Variants in GUCY1A1 observed in about 807,000 individuals in gnomAD.
GUCY1A1 encodes guanylate cyclase soluble subunit alpha-1.
Under a neutral mutation model 64.5 loss-of-function variants are expected in GUCY1A1, and 48 were observed. The observed-to-expected ratio is 0.74, with a 90% CI of 0.59 to 0.95. GUCY1A1 has a LOEUF of 0.95. Ranked by LOEUF, GUCY1A1 falls within the 40% of genes least tolerant of loss-of-function variation. The pLI is 0.00. For synonymous variants in GUCY1A1, 308 were observed against 303.4 expected (o/e 1.02, Z -0.16); for missense variants, 804 against 825.3 (o/e 0.97, Z 0.32).
chr4:155,716,628 A>T (rs746665376), intron 7 of GUCY1A1, among the ~76,000 whole-genome samples: 2 of 151,984 alleles, frequency 1.3e-5, no homozygotes, highest in Non-Finnish European at 2.9e-5. Flanking sequence ...TGCTATGAGG[A>T]CCCCAAGGGT....
At chr4:155,700,656 C>T (rs924461082) in intron 3 of GUCY1A1, among the ~76,000 whole-genome samples, 2 of 152,146 alleles carry the variant, frequency 1.3e-5, no homozygotes, top group Admixed American at 6.6e-5. Context: ...GCACTACAAA[C>T]TATTTGCATT....
chr4:155,696,653 C>T, intron 2 of GUCY1A1, 103 bp from the exon 3 acceptor site: 1 of 422,864 alleles, frequency 2.4e-6, no homozygotes, highest in Middle Eastern at 6.2e-4. Context: ...ATTTTTTTAA[C>T]TTGAGAATGA....
intron 2 of GUCY1A1, among the ~76,000 whole-genome samples, chr4:155,684,456 A>G (rs967698563): frequency 1.3e-5 from 2 of 152,186 alleles, no homozygotes; most frequent in Non-Finnish European, 2.9e-5. Context: ...TTATGACAAA[A>G]GTTCATTTCC....
intron 8 of GUCY1A1, among the ~76,000 whole-genome samples, chr4:155,719,992 C>T (rs1285011789): frequency 1.3e-5 from 2 of 152,014 alleles, no homozygotes; most frequent in Non-Finnish European, 2.9e-5. Flanking sequence ...GTCTTAAACA[C>T]GTTGTGTTTT....
intron 9 of GUCY1A1, 45 bp from the exon 10 acceptor site, chr4:155,729,985 G>T: frequency 8.5e-7 from 1 of 1,181,058 alleles, no homozygotes; most frequent in South Asian, 1.3e-5. Flanking sequence ...TTCTTTTTTT[G>T]AGTGGACAAA....
At position 155,697,136 on chromosome 4, in the gene GUCY1A1, C is replaced by T. The variant is rs752685323; in HGVS notation, c.255+14C>T. 1.3e-6 allele frequency: 2 copies of T among 1,594,244 alleles called. No homozygotes were observed. Among genetic ancestry groups the T allele is most frequent in the Non-Finnish European group, 1.7e-6 (2 of 1,166,678 alleles). ...ATTTTCCCAGAGGTGAGTGCGTGCT[C>T]TTTAGATTTTGAAATTGTAATACTT... is the stretch of plus-strand genomic sequence containing the variant. On this transcript the variant is annotated intron_variant, in intron 3 of 9. Coordinates refer to ENST00000506455, the MANE Select transcript of GUCY1A1 (RefSeq NM_001130682.3).
At chr4:155,724,703 G>A (rs553499220) in intron 9 of GUCY1A1, among the ~76,000 whole-genome samples, 3 of 151,920 alleles carry the variant, frequency 2.0e-5, no homozygotes, top group South Asian at 2.1e-4. Context: ...CTTTGTTGCC[G>A]TGCTCAGAGC....
chr4:155,722,179 C>G lies in GUCY1A1; in HGVS notation c.1858C>G (p.Pro620Ala), dbSNP rs1486186130. Reference protein sequence around the residue: ...CSVPRKINVSPTTYRLLKDCP... With the variant: ...CSVPRKINVSATTYRLLKDCP... ...TGTACCACGAAAAATCAATGTCAGC[C>G]CAACAACTTACAGGTAGTAATTATG... Residue 620 changes from proline to alanine, a missense_variant, in exon 9 of 10, where the codon CCA becomes GCA. Pro to Ala is a conservative substitution (Grantham distance 27). Transcript: ENST00000506455. The G allele has an allele frequency of 1.9e-6, 3 of 1,612,104 alleles. No individual in the cohort carries two copies. The African/African-American group carries it at 4.0e-5, about 22-fold the overall frequency.
At chr4:155,672,889 A>T (rs1355033967) in intron 2 of GUCY1A1, among the ~76,000 whole-genome samples, 1 of 152,176 alleles carries the variant, frequency 6.6e-6, no homozygotes, top group East Asian at 1.9e-4. Flanking sequence ...AAATTAATGG[A>T]TTTAAACTCA....
intron 3 of GUCY1A1, among the ~76,000 whole-genome samples, chr4:155,701,509 G>A (rs1451380912): frequency 2.6e-5 from 4 of 152,062 alleles, no homozygotes; most frequent in Non-Finnish European, 5.9e-5. Context: ...TGACTAAAAA[G>A]GTAAAAGAGT....
chr4:155,685,627 T>A (rs6840106), intron 2 of GUCY1A1, among the ~76,000 whole-genome samples: 1 of 120,014 alleles, frequency 8.3e-6, no homozygotes, highest in East Asian at 2.7e-4. Context: ...TTTTTTTTTT[T>A]CTCTTTGCTG....
chr4:155,685,607 T>G (rs1728887311), intron 2 of GUCY1A1, among the ~76,000 whole-genome samples: 1 of 121,256 alleles, frequency 8.2e-6, no homozygotes, highest in East Asian at 2.1e-4. Flanking sequence ...CCTTGTGTTT[T>G]TTTTTTTTTT....
intron 2 of GUCY1A1, among the ~76,000 whole-genome samples, chr4:155,675,369 G>A (rs531549615): frequency 2.6e-5 from 4 of 151,656 alleles, no homozygotes; most frequent in Non-Finnish European, 2.9e-5. Flanking sequence ...AGTTACAAAT[G>A]TAGCATTGAA....
At chr4:155,716,809 A>G (rs1467267166) in intron 7 of GUCY1A1, among the ~76,000 whole-genome samples, 1 of 152,170 alleles carries the variant, frequency 6.6e-6, no homozygotes, top group East Asian at 1.9e-4. Context: ...TCTTTAAACA[A>G]TTTATTATAA....
chr4:155,735,256 T>C lies in GUCY1A1; in HGVS notation c.*5025T>C, dbSNP rs1368971671. 1.3e-5 allele frequency: 2 copies of C among 151,920 alleles called. No individual in the cohort carries two copies. The highest frequency in any genetic ancestry group is 2.9e-5 in the Non-Finnish European group (2 of 67,934). The allele number at this position is 151,920 out of a possible 1,614,324, so 9.4% of individuals were successfully genotyped here. A position where few individuals can be genotyped will look rare whatever the true frequency, so the allele number is the denominator to read the frequency against. On this transcript the variant is annotated 3_prime_UTR_variant, in exon 10 of 10. Coordinates refer to ENST00000506455, the MANE Select transcript of GUCY1A1 (RefSeq NM_001130682.3). ...TATGTCCATTTATTTTCATATATAGTATCTGCCAAAATAGTAGCAAAAGTT... is the reference window on the plus strand; with the variant it reads ...TATGTCCATTTATTTTCATATATAGCATCTGCCAAAATAGTAGCAAAAGTT...
intron 2 of GUCY1A1, among the ~76,000 whole-genome samples, chr4:155,676,584 C>T (rs1388627291): frequency 6.6e-6 from 1 of 151,426 alleles, no homozygotes; most frequent in Non-Finnish European, 1.5e-5. Context: ...TACTAATTGG[C>T]CAGTGATTGT....
At chr4:155,707,112 ATATAATAT>A (rs566320861) in intron 4 of GUCY1A1, among the ~76,000 whole-genome samples, 1 of 152,322 alleles carries the variant, frequency 6.6e-6, no homozygotes, top group African/African-American at 2.4e-5. Context: ...TTAGGAAAAT[ATATAATAT>A]TACTTAAAAG....
chr4:155,673,327 G>A (rs1210969823), intron 2 of GUCY1A1, among the ~76,000 whole-genome samples: 2 of 151,500 alleles, frequency 1.3e-5, no homozygotes, highest in Admixed American at 1.3e-4. Flanking sequence ...GGAATTTAAA[G>A]TCTGCATGAA....
Position 155,713,343 on chromosome 4 carries a change from G to A in GUCY1A1, c.1332G>A (p.Glu444=). 6 of 1,614,194 alleles carry A rather than the reference G, an allele frequency of 3.7e-6. No homozygotes were observed. The highest frequency in any genetic ancestry group is 5.1e-6 in the Non-Finnish European group (6 of 1,180,032). ...ATLEQAHQAL[E]EEKKKTVDLL... ...TTGAGCAAGCCCACCAAGCCCTGGA[G>A]GAGGAGAAGAAAAAGACAGTAGACC... Residue 444 remains glutamate (E), a synonymous_variant, in exon 7 of 10, where the codon GAG becomes GAA. Transcript: ENST00000506455.
Sources: gnomAD v4.1 joint callset for allele counts (sites outside exome capture counted in the v4.1 genomes callset) on GRCh38, gnomAD v4.1.1 for gene constraint, MANE v1.5 for transcripts, NCBI Gene and HGNC (gene_info 2026-07-23, HGNC 2026-07-21) for gene names.